MFN2: variants seen among roughly 807,000 people sequenced by gnomAD.
The protein encoded by MFN2 is mitofusin-2.
A neutral mutation model predicts 87.5 loss-of-function variants in MFN2; 43 were observed. That is an observed-to-expected ratio of 0.49 (90% CI 0.38 to 0.63). MFN2 has a LOEUF of 0.63. MFN2 is among the 30% of genes least tolerant of loss of function. MFN2 has a pLI of 0.00. For synonymous variants in MFN2, 337 were observed against 359.9 expected (o/e 0.94, Z 0.72); for missense variants, 743 against 972.8 (o/e 0.76, Z 3.14).
intron 18 of MFN2, 55 bp downstream of exon 18, chr1:12,009,781 A>G (rs758758663): frequency 6.2e-7 from 1 of 1,612,018 alleles, no homozygotes; most frequent in East Asian, 2.2e-5. Context: ...GCCCAGGCAC[A>G]CTGGGGCTCA....
chr1:11,980,552 C>G (rs1462469548), intron 1 of MFN2, 68 bp downstream of exon 1: 1 of 397,712 alleles, frequency 2.5e-6, no homozygotes, highest in Non-Finnish European at 4.4e-6. Context: ...CTGAGCAGCT[C>G]GGCGTGGGCC....
In MFN2 at chr1:12,001,516, A is replaced by C; in HGVS notation, c.932A>C (p.Asn311Thr). Residue 311 changes from asparagine to threonine, a missense_variant, in exon 9 of 19, where the codon AAC becomes ACC. Transcript: ENST00000235329. The part of the protein sequence containing the change: ...IFFVSAKEVL[N>T]ARIQKAQGMP... The stretch of plus-strand genomic sequence containing the variant: ...TTTGTGTCTGCTAAGGAGGTGCTCA[A>C]CGCCAGGATTCAGAAAGCCCAGGGC... 6.2e-7 allele frequency: 1 copy of C among 1,614,206 alleles called. No homozygotes were observed. Among genetic ancestry groups the C allele is most frequent in the Non-Finnish European group, 8.5e-7 (1 of 1,180,040 alleles).
At chr1:11,981,715 C>T (rs930558510) in intron 1 of MFN2, 2 of 152,346 alleles carry the variant, frequency 1.3e-5, no homozygotes, top group African/African-American at 4.8e-5. Flanking sequence ...TCCCAGGGCT[C>T]CTGCAGGGAC....
rs1639614980 is a variant in MFN2 at position 12,009,877 on chromosome 1, G to C, written c.2204+151G>C. On this transcript the variant is annotated intron_variant, in intron 18 of 18. Coordinates refer to ENST00000235329, the MANE Select transcript of MFN2 (RefSeq NM_014874.4). ...CGTGTTAGATGTGTACCATGGGCTG[G>C]GCACGGTGGCTGACGCCTATAATCC... 20 of 1,173,768 alleles carry C rather than the reference G, an allele frequency of 1.7e-5. No individual in the cohort carries two copies. In the South Asian group the frequency reaches 2.6e-4, roughly 15 times the overall value. 72.7% of individuals were successfully genotyped at this position (1,173,768 alleles called of 1,614,324 possible).
intron 8 of MFN2, among the ~76,000 whole-genome samples, chr1:12,000,092 G>A (rs1344640843): frequency 1.1e-5 from 1 of 93,014 alleles, no homozygotes; most frequent in Non-Finnish European, 2.4e-5. Flanking sequence ...GTGAGATTCC[G>A]TCTCACAAAA....
At chr1:11,987,014 G>C (rs140454125) in intron 2 of MFN2, among the ~76,000 whole-genome samples, 1 of 152,160 alleles carries the variant, frequency 6.6e-6, no homozygotes, top group Non-Finnish European at 1.5e-5. Flanking sequence ...CACAAAAATA[G>C]ACTGTGATAA....
chr1:12,006,461 C>T, intron 15 of MFN2, 77 bp from the exon 16 acceptor site: 1 of 1,572,074 alleles, frequency 6.4e-7, no homozygotes, highest in East Asian at 2.2e-5. Context: ...GTTCCCCAGA[C>T]TAGGGCAACA....
chr1:11,997,217 T>A, intron 5 of MFN2, 80 bp from the exon 6 acceptor site: 1 of 1,595,252 alleles, frequency 6.3e-7, no homozygotes, highest in Non-Finnish European at 8.6e-7. Context: ...CCAGCCACTG[T>A]GCTGTGATGC....
intron 3 of MFN2, among the ~76,000 whole-genome samples, chr1:11,990,228 C>G (rs531631770): frequency 2.0e-5 from 3 of 152,220 alleles, no homozygotes; most frequent in Non-Finnish European, 4.4e-5. Context: ...GGCTGCTACA[C>G]GAGGCTCCCT....
At chr1:11,988,429 A>G (rs928629916) in intron 2 of MFN2, among the ~76,000 whole-genome samples, 3 of 141,374 alleles carry the variant, frequency 2.1e-5, no homozygotes, top group Non-Finnish European at 4.6e-5. Flanking sequence ...TTAAATAGAG[A>G]CGGGGTCCTA....
intron 2 of MFN2, among the ~76,000 whole-genome samples, chr1:11,988,229 G>A (rs1053331865): frequency 4.6e-5 from 7 of 151,758 alleles, no homozygotes; most frequent in Non-Finnish European, 7.4e-5. Flanking sequence ...AGCCTCCCAA[G>A]TAGCTGGGAT....
At chr1:11,987,099 C>G (rs1638447615) in intron 2 of MFN2, among the ~76,000 whole-genome samples, 1 of 151,858 alleles carries the variant, frequency 6.6e-6, no homozygotes, top group South Asian at 2.1e-4. Context: ...CACTTGAGGT[C>G]AGGAGTTTGA....
In MFN2 at chr1:11,989,243, T is replaced by C. The variant is rs776459291; in HGVS notation, c.75T>C (p.Asn25=). The C allele has an allele frequency of 3.1e-6, 5 of 1,614,128 alleles. No homozygotes were observed. The East Asian group carries it at 8.9e-5, about 29-fold the overall frequency. ...KKNKRHMAEV[N]ASPLKHFVTA... is the part of the protein sequence containing the mutation. ...ATAAGAGACACATGGCTGAGGTGAA[T>C]GCATCCCCACTTAAGCACTTTGTCA... The change falls in exon 3 of 19, where the codon AAT becomes AAC. Residue 25 remains asparagine (N), a synonymous_variant. Transcript: ENST00000235329.
At chr1:11,999,173 C>T (rs1204500947) in intron 8 of MFN2, 78 bp downstream of exon 8, 1 of 1,153,466 alleles carries the variant, frequency 8.7e-7, no homozygotes, top group Non-Finnish European at 1.3e-6. Context: ...CTTCCTGCAC[C>T]CCTGGATCTA....
chr1:12,001,620 G>T, intron 9 of MFN2, 66 bp downstream of exon 9: 1 of 1,611,654 alleles, frequency 6.2e-7, no homozygotes, highest in East Asian at 2.2e-5. Flanking sequence ...GTGCTGAGGA[G>T]TCTGTCAGTA....
At chr1:12,005,201 C>T (rs185897560) in intron 14 of MFN2, among the ~76,000 whole-genome samples, 27 of 152,362 alleles carry the variant, frequency 1.8e-4, no homozygotes, top group African/African-American at 4.3e-4. Flanking sequence ...TCTGCTCCAG[C>T]GTCCCGAGTA....
intron 1 of MFN2, among the ~76,000 whole-genome samples, chr1:11,980,690 G>A (rs917395984): frequency 6.6e-6 from 1 of 152,190 alleles, no homozygotes; most frequent in African/African-American, 2.4e-5. Flanking sequence ...ACTGGTCGGT[G>A]GGGTCCCCTG....
chr1:12,001,773 C>T lies in MFN2; in HGVS notation c.975C>T (p.Gly325=), dbSNP rs141475476. 956 of 1,614,106 alleles carry T rather than the reference C, an allele frequency of 5.9e-4. 5 individuals carry two copies. The African/African-American group carries it at 0.011, about 19-fold the overall frequency. Residue 325 remains glycine (G), a synonymous_variant, in exon 10 of 19, where the codon GGC becomes GGT. Coordinates refer to ENST00000235329, the MANE Select transcript of MFN2 (RefSeq NM_014874.4). ...QKAQGMPEGG[G]ALAEGFQVRM... ...AATGCAGTACAATCCTCCTAGGGGG[C>T]GCTCTCGCAGAAGGCTTTCAAGTGA...
chr1:12,001,680 T>C (rs900237574), intron 9 of MFN2, 89 bp from the exon 10 acceptor site: 1 of 1,596,826 alleles, frequency 6.3e-7, no homozygotes, highest in Non-Finnish European at 8.6e-7. Context: ...AGGCTCTTGC[T>C]CTTTAGCCAG....
Sources: allele counts gnomAD v4.1 joint callset (sites outside exome capture counted in the v4.1 genomes callset), GRCh38; gene constraint gnomAD v4.1.1; transcripts MANE v1.5; gene names NCBI Gene and HGNC (gene_info 2026-07-23, HGNC 2026-07-21).